ANKRD45: variants seen among roughly 807,000 people sequenced by gnomAD.
ANKRD45 encodes ankyrin repeat domain-containing protein 45.
Under a neutral mutation model 28.1 loss-of-function variants are expected in ANKRD45, and 21 were observed. That is an observed-to-expected ratio of 0.75 (90% confidence interval 0.53 to 1.08). The LOEUF is 1.08. Ranked by LOEUF, ANKRD45 falls within the 50% of genes least tolerant of loss-of-function variation. ANKRD45 has a pLI of 0.00. For missense variants in ANKRD45, 261 were observed against 308.7 expected, an observed-to-expected ratio of 0.85 and a Z score of 1.16; for synonymous variants, 86 against 103.9, an observed-to-expected ratio of 0.83 and a Z score of 1.05.
the ANKRD45 span, among the ~76,000 whole-genome samples, chr1:173,701,255 G>C: frequency 5.9e-5 from 9 of 152,234 alleles, no homozygotes; most frequent in Non-Finnish European, 1.0e-4. Flanking sequence ...GTGGAAGACA[G>C]TGTGGCAATT....
At chr1:173,676,078 A>G in the ANKRD45 span, among the ~76,000 whole-genome samples, 2 of 152,204 alleles carry the variant, frequency 1.3e-5, no homozygotes, top group African/African-American at 4.8e-5. Context: ...GACTGTGTAG[A>G]AAAAGGTACG....
intron 2 of ANKRD45, among the ~76,000 whole-genome samples, chr1:173,654,862 AT>A (rs1164643140): frequency 6.6e-6 from 1 of 152,130 alleles, no homozygotes; most frequent in African/African-American, 2.4e-5. Flanking sequence ...TCAATCGCTG[AT>A]AACCTTTCTT....
At chr1:173,690,055 G>GC in the ANKRD45 span, among the ~76,000 whole-genome samples, 220 of 46,028 alleles carry the variant, frequency 4.8e-3, no homozygotes, top group African/African-American at 6.4e-3. Flanking sequence ...GCCAATGCCT[G>GC]CCCCCCGCCC....
At chr1:173,710,881 T>C in the ANKRD45 span, among the ~76,000 whole-genome samples, 1 of 152,102 alleles carries the variant, frequency 6.6e-6, no homozygotes, top group South Asian at 2.1e-4. Flanking sequence ...GCCTTGCACA[T>C]GCCTGGCTAG....
upstream of ANKRD45, among the ~76,000 whole-genome samples, chr1:173,673,069 C>A (rs561263643): frequency 2.0e-5 from 3 of 151,756 alleles, no homozygotes; most frequent in Non-Finnish European, 2.9e-5. Context: ...GAGAATAGGC[C>A]CTCAGAATAG....
intron 2 of ANKRD45, among the ~76,000 whole-genome samples, chr1:173,651,311 G>C (rs1207834112): frequency 2.0e-5 from 3 of 152,106 alleles, no homozygotes; most frequent in African/African-American, 7.2e-5. Context: ...TTCTACATAT[G>C]GCTAGCCAGT....
At chr1:173,614,265 TAAAA>T (rs1041210366) in intron 5 of ANKRD45, among the ~76,000 whole-genome samples, 42 of 131,730 alleles carry the variant, frequency 3.2e-4, no homozygotes, top group Admixed American at 1.5e-3. Context: ...GAATGATCAA[TAAAA>T]AAAAAAAAAT....
At chr1:173,629,384 GA>G (rs1668086859) in intron 3 of ANKRD45, among the ~76,000 whole-genome samples, 2 of 152,106 alleles carry the variant, frequency 1.3e-5, no homozygotes, top group Non-Finnish European at 2.9e-5. Flanking sequence ...GTATTTTGAG[GA>G]AACTCAAAGA....
chr1:173,709,313 C>A, the ANKRD45 span, among the ~76,000 whole-genome samples: 21 of 152,304 alleles, frequency 1.4e-4, no homozygotes, highest in South Asian at 3.1e-3. Flanking sequence ...GGCCAGAAGC[C>A]TCTCTCAGTT....
At chr1:173,704,164 C>A in the ANKRD45 span, among the ~76,000 whole-genome samples, 1 of 152,176 alleles carries the variant, frequency 6.6e-6, no homozygotes, top group Non-Finnish European at 1.5e-5. Context: ...GAGAGGGCCA[C>A]TTCTCTAGGC....
chr1:173,658,541 C>G (rs1669644953), intron 2 of ANKRD45: 1 of 152,046 alleles, frequency 6.6e-6, no homozygotes, highest in Non-Finnish European at 1.5e-5. Flanking sequence ...GAATGTATAT[C>G]CTTTCTTTGC....
intron 1 of ANKRD45, among the ~76,000 whole-genome samples, chr1:173,664,333 A>C (rs991503887): frequency 6.6e-6 from 1 of 152,308 alleles, no homozygotes; most frequent in African/African-American, 2.4e-5. Flanking sequence ...AGTAGTTGTA[A>C]TCTTTTGAAA....
intron 3 of ANKRD45, chr1:173,635,916 T>C (rs936297202): frequency 8.7e-7 from 1 of 1,148,826 alleles, no homozygotes; most frequent in Non-Finnish European, 1.2e-6. Context: ...TACTAGTTTC[T>C]TTGAGAGAGG....
chr1:173,708,357 G>A, the ANKRD45 span, among the ~76,000 whole-genome samples: 2 of 152,190 alleles, frequency 1.3e-5, no homozygotes, highest in Admixed American at 6.5e-5. Flanking sequence ...CTCCCTTATG[G>A]CTCAGGTTTG....
At chr1:173,613,562 GC>G (rs1281895834) in intron 5 of ANKRD45, among the ~76,000 whole-genome samples, 1,930 of 105,586 alleles carry the variant, frequency 0.018, 101 homozygotes, top group African/African-American at 0.12. Context: ...TGGGGGGTCA[GC>G]CCCCCCCCCG....
At chr1:173,687,319 C>T in the ANKRD45 span, among the ~76,000 whole-genome samples, 3 of 151,892 alleles carry the variant, frequency 2.0e-5, no homozygotes, top group African/African-American at 7.3e-5. Context: ...AATTTTTTTT[C>T]CTGACTTTCA....
upstream of ANKRD45, among the ~76,000 whole-genome samples, chr1:173,673,949 G>T (rs1345324135): frequency 6.6e-6 from 1 of 152,088 alleles, no homozygotes; most frequent in African/African-American, 2.4e-5. Flanking sequence ...AACACCCATG[G>T]TTTTCACCTG....
intron 5 of ANKRD45, among the ~76,000 whole-genome samples, chr1:173,613,708 G>T (rs56157228): frequency 0.15 from 21,768 of 146,038 alleles, 6,106 homozygotes; most frequent in African/African-American, 0.57. Context: ...GCCTCTGCCC[G>T]GCCGCCCCTT....
chr1:173,675,661 A>T, the ANKRD45 span, among the ~76,000 whole-genome samples: 616 of 152,266 alleles, frequency 4.0e-3, 2 homozygotes, highest in African/African-American at 0.014. Flanking sequence ...CAAACTGTAG[A>T]AAATAATAAA....
Sources: allele counts gnomAD v4.1 joint callset (sites outside exome capture counted in the v4.1 genomes callset), GRCh38; gene constraint gnomAD v4.1.1; transcripts MANE v1.5; gene names NCBI Gene and HGNC (gene_info 2026-07-23, HGNC 2026-07-21).